Variants in PLXDC2 observed in about 807,000 individuals in gnomAD.
The protein encoded by PLXDC2 is plexin domain containing 2, also known as plexin domain-containing protein 2.
In PLXDC2, 40 loss-of-function variants were observed where a neutral mutation model predicts 68.9. The ratio of observed to expected loss-of-function variants is 0.58; its 90% CI spans 0.45 to 0.76. The LOEUF is 0.76. Ranked by LOEUF, PLXDC2 falls within the 30% of genes least tolerant of loss-of-function variation. The pLI, the probability that PLXDC2 is intolerant of heterozygous loss-of-function variation, is 0.00. For missense variants in PLXDC2, 644 were observed against 661.9 expected, an observed-to-expected ratio of 0.97 and a Z score of 0.30; for synonymous variants, 243 against 234.2, an observed-to-expected ratio of 1.04 and a Z score of -0.34.
rs762878188 is a variant in PLXDC2 at position 20,146,446 on chromosome 10, CCTTT to C, written c.665-1334_665-1331del. Among the ~76,000 whole-genome samples the C allele has an allele frequency of 6.9e-3, 980 of 141,644 alleles. 5 individuals carry two copies. Among genetic ancestry groups the C allele is most frequent in the Non-Finnish European group, 9.0e-3 (584 of 64,970 alleles). 92.9% of individuals were successfully genotyped at this position (141,644 alleles called of 152,430 possible). A position where few individuals can be genotyped will look rare whatever the true frequency, so the allele number is the denominator to read the frequency against. On this transcript the variant is annotated intron_variant, in intron 5 of 13. Transcript: ENST00000377252. ...CTTTCTTTCTTTTTCTTTCTTTCTT[CCTTT>C]CTTCCTTCCTTCCTTCCTTTCTTTC...
intron 6 of PLXDC2, among the ~76,000 whole-genome samples, chr10:20,158,501 C>CAAAAAAAAAAAAAAAAAAAAA (rs59079629): frequency 1.3e-4 from 15 of 118,750 alleles, no homozygotes; most frequent in South Asian, 3.1e-4. Flanking sequence ...TCTGTCTCTG[C>CAAAAAAAAAAAAAAAAAAAAA]AAAAAAAAAA....
At chr10:20,270,747 G>T (rs1382253609) in intron 13 of PLXDC2, among the ~76,000 whole-genome samples, 1 of 151,942 alleles carries the variant, frequency 6.6e-6, no homozygotes, top group Admixed American at 6.6e-5. Flanking sequence ...GTTTCACCAT[G>T]TTGGCCTCAG....
chr10:20,189,744 C>G (rs769291182), intron 9 of PLXDC2, among the ~76,000 whole-genome samples: 8 of 150,728 alleles, frequency 5.3e-5, no homozygotes, highest in Non-Finnish European at 1.0e-4. Context: ...TGTCTTTTTT[C>G]AAAATATGAA....
chr10:20,149,214 C>CTTTTTTTTTTTTTTTTT (rs71200985), intron 6 of PLXDC2, among the ~76,000 whole-genome samples: 1 of 112,388 alleles, frequency 8.9e-6, no homozygotes, highest in Non-Finnish European at 1.7e-5. Context: ...ATTTTTCTTT[C>CTTTTTTTTTTTTTTTTT]TTTTTTTTTC....
chr10:20,202,162 C>T (rs1038502649), intron 9 of PLXDC2, among the ~76,000 whole-genome samples: 2 of 151,980 alleles, frequency 1.3e-5, no homozygotes, highest in Non-Finnish European at 2.9e-5. Context: ...TATATCTGTG[C>T]TTTATGTGGA....
At chr10:20,098,346 C>CGTGTGT (rs762519549) in intron 4 of PLXDC2, among the ~76,000 whole-genome samples, 1,535 of 103,090 alleles carry the variant, frequency 0.015, 6 homozygotes, top group South Asian at 0.036. Context: ...CATTTTCGTG[C>CGTGTGT]GTGTGTGTGT....
chr10:19,988,219 T>C (rs1834682193), intron 1 of PLXDC2, among the ~76,000 whole-genome samples: 2 of 152,190 alleles, frequency 1.3e-5, no homozygotes. Flanking sequence ...ACTAAGGAAA[T>C]ACAGAATTGG....
intron 6 of PLXDC2, among the ~76,000 whole-genome samples, chr10:20,156,204 T>C (rs901948914): frequency 2.0e-5 from 3 of 152,176 alleles, no homozygotes; most frequent in African/African-American, 7.2e-5. Context: ...TTGAGTCCAA[T>C]GGCACAAGCT....
chr10:20,179,393 G>A (rs1218614563), intron 9 of PLXDC2, among the ~76,000 whole-genome samples: 1 of 152,042 alleles, frequency 6.6e-6, no homozygotes, highest in Non-Finnish European at 1.5e-5. Flanking sequence ...AGAAAAAAAT[G>A]GATGAACAAA....
chr10:20,202,035 T>C (rs1290815691), intron 9 of PLXDC2, among the ~76,000 whole-genome samples: 2 of 152,190 alleles, frequency 1.3e-5, no homozygotes, highest in African/African-American at 4.8e-5. Flanking sequence ...ATACATATTA[T>C]TTAGAGTTCG....
intron 1 of PLXDC2, among the ~76,000 whole-genome samples, chr10:19,954,885 C>T (rs1355503102): frequency 1.3e-5 from 2 of 151,916 alleles, no homozygotes; most frequent in Admixed American, 6.6e-5. Context: ...GGCACTCTTG[C>T]CCCCCCATCC....
intron 1 of PLXDC2, among the ~76,000 whole-genome samples, chr10:19,822,127 T>C (rs1029493555): frequency 6.6e-6 from 1 of 151,084 alleles, no homozygotes; most frequent in Non-Finnish European, 1.5e-5. Context: ...TAATATTCCA[T>C]TGTGCATATA....
intron 6 of PLXDC2, among the ~76,000 whole-genome samples, chr10:20,157,239 C>T (rs1307721721): frequency 1.3e-5 from 2 of 152,250 alleles, no homozygotes; most frequent in East Asian, 3.9e-4. Flanking sequence ...TTTGTTGTTG[C>T]TGTTGTTTTT....
At chr10:20,258,414 C>T (rs1835770294) in intron 13 of PLXDC2, among the ~76,000 whole-genome samples, 1 of 152,138 alleles carries the variant, frequency 6.6e-6, no homozygotes, top group African/African-American at 2.4e-5. Flanking sequence ...TTGCTACTTA[C>T]TCTGTTTCCT....
chr10:20,250,842 TG>T (rs1349525097), intron 13 of PLXDC2, among the ~76,000 whole-genome samples: 1 of 152,198 alleles, frequency 6.6e-6, no homozygotes, highest in African/African-American at 2.4e-5. Context: ...CTGTTGCTAT[TG>T]TTGTCTATTT....
chr10:19,996,839 G>A (rs1043635642), intron 1 of PLXDC2, among the ~76,000 whole-genome samples: 1 of 152,128 alleles, frequency 6.6e-6, no homozygotes, highest in Non-Finnish European at 1.5e-5. Flanking sequence ...AAGAGAGAGA[G>A]GTTGTGCAGG....
chr10:19,943,612 A>T (rs1833854429), intron 1 of PLXDC2, among the ~76,000 whole-genome samples: 1 of 152,214 alleles, frequency 6.6e-6, no homozygotes, highest in South Asian at 2.1e-4. Flanking sequence ...GACCACACGA[A>T]GCTCCCTGGG....
chr10:19,953,261 G>A (rs889999592), intron 1 of PLXDC2, among the ~76,000 whole-genome samples: 5 of 152,204 alleles, frequency 3.3e-5, no homozygotes, highest in Non-Finnish European at 5.9e-5. Flanking sequence ...GGAGATCGCA[G>A]TGAGAACAGA....
At chr10:20,156,133 A>C (rs112855861) in intron 6 of PLXDC2, among the ~76,000 whole-genome samples, 1 of 152,064 alleles carries the variant, frequency 6.6e-6, no homozygotes, top group African/African-American at 2.4e-5. Context: ...AGCCATGTTT[A>C]GATAAGTTTC....
Sources: allele counts gnomAD v4.1 joint callset (sites outside exome capture counted in the v4.1 genomes callset), GRCh38; gene constraint gnomAD v4.1.1; transcripts MANE v1.5; gene names NCBI Gene and HGNC (gene_info 2026-07-23, HGNC 2026-07-21).